PCDH15: variants seen among roughly 807,000 people sequenced by gnomAD.
PCDH15 encodes protocadherin related 15.
PCDH15 carries 129 observed loss-of-function variants against 178.5 expected under a neutral mutation model. That is an observed-to-expected ratio of 0.72 (90% CI 0.63 to 0.84). PCDH15 has a LOEUF of 0.84. Among genes scored for constraint, PCDH15 ranks in the 40% least tolerant of loss-of-function variants. PCDH15 has a pLI of 0.00. For missense variants in PCDH15, 2,230 were observed against 2,099.9 expected (o/e 1.06, Z -1.21); for synonymous variants, 800 against 732.0 (o/e 1.09, Z -1.50).
At chr10:55,383,317 C>A (rs1379121402) in intron 2 of PCDH15, among the ~76,000 whole-genome samples, 1 of 152,096 alleles carries the variant, frequency 6.6e-6, no homozygotes, top group Non-Finnish European at 1.5e-5. Context: ...TTCTCTCCTT[C>A]ACTGCCACAC....
chr10:55,520,153 C>T (rs1841128366), intron 2 of PCDH15, among the ~76,000 whole-genome samples: 1 of 99,990 alleles, frequency 1.0e-5, no homozygotes, highest in Non-Finnish European at 2.0e-5. Context: ...TATATATACA[C>T]GCAATGTGTA....
chr10:54,421,883 TAC>T (rs58594959), intron 3 of PCDH15, among the ~76,000 whole-genome samples: 51,298 of 103,958 alleles, frequency 0.49, 13,091 homozygotes, highest in Middle Eastern at 0.58. Flanking sequence ...TATATATATA[TAC>T]ACACACACAC....
At chr10:55,585,229 T>C (rs929347647) in intron 2 of PCDH15, among the ~76,000 whole-genome samples, 2 of 152,150 alleles carry the variant, frequency 1.3e-5, no homozygotes, top group African/African-American at 2.4e-5. Flanking sequence ...AAAAATTACA[T>C]GGATAACAGA....
At chr10:54,964,294 G>A (rs776878926) in intron 2 of PCDH15, among the ~76,000 whole-genome samples, 3 of 152,140 alleles carry the variant, frequency 2.0e-5, no homozygotes, top group Non-Finnish European at 4.4e-5. Context: ...TCAATACCAG[G>A]ACTAAACATT....
In PCDH15 at chr10:53,821,954, T is replaced by A. The variant is rs2132481049; in HGVS notation, c.4368-1724A>T. 1 of 1,613,760 alleles carries A rather than the reference T, an allele frequency of 6.2e-7. No individual in the cohort carries two copies. The highest frequency in any genetic ancestry group is 8.5e-7 in the Non-Finnish European group (1 of 1,179,772). ...TTTGTTCAGATGTGATTTCCATATT[T>A]GTTACTTCTGAAGGGCACATAGTTT... On this transcript the variant is annotated intron_variant, in intron 32 of 37. Transcript: ENST00000644397.
intron 1 of PCDH15, among the ~76,000 whole-genome samples, chr10:55,286,884 G>T (rs1425266171): frequency 6.6e-6 from 1 of 151,878 alleles, no homozygotes; most frequent in Non-Finnish European, 1.5e-5. Context: ...CAAGTACAGA[G>T]TTAATGGACT....
intron 14 of PCDH15, among the ~76,000 whole-genome samples, chr10:54,148,472 G>C (rs1056071868): frequency 6.6e-6 from 1 of 151,914 alleles, no homozygotes; most frequent in African/African-American, 2.4e-5. Context: ...CTGTAGTTTA[G>C]AGAATAATGA....
chr10:55,612,933 G>C (rs943357323), intron 2 of PCDH15, among the ~76,000 whole-genome samples: 2 of 151,314 alleles, frequency 1.3e-5, no homozygotes, highest in African/African-American at 4.9e-5. Context: ...ATAAGCTATG[G>C]TATGATATTC....
chr10:54,435,213 G>C (rs953047348), intron 3 of PCDH15, among the ~76,000 whole-genome samples: 1 of 152,068 alleles, frequency 6.6e-6, no homozygotes, highest in African/African-American at 2.4e-5. Flanking sequence ...CTATGTCCTA[G>C]ACACACCAGC....
At chr10:55,424,443 T>A (rs1178914722) in intron 2 of PCDH15, among the ~76,000 whole-genome samples, 1 of 152,114 alleles carries the variant, frequency 6.6e-6, no homozygotes, top group Non-Finnish European at 1.5e-5. Flanking sequence ...CTATGAAAGG[T>A]CTCACATATT....
intron 3 of PCDH15, among the ~76,000 whole-genome samples, chr10:54,433,528 G>C (rs1180328309): frequency 1.3e-5 from 2 of 152,108 alleles, no homozygotes; most frequent in African/African-American, 4.8e-5. Context: ...TGAACTCACA[G>C]AGATAGAGAG....
intron 28 of PCDH15, among the ~76,000 whole-genome samples, chr10:53,849,833 C>G (rs376101883): frequency 7.6e-6 from 1 of 132,336 alleles, no homozygotes; most frequent in South Asian, 2.4e-4. Flanking sequence ...TGCACTCCAG[C>G]CTGTGCGACA....
At chr10:55,091,115 C>T (rs968980805) in intron 2 of PCDH15, among the ~76,000 whole-genome samples, 1 of 151,756 alleles carries the variant, frequency 6.6e-6, no homozygotes, top group Non-Finnish European at 1.5e-5. Context: ...TGAAATAAAT[C>T]CTTGCAGATC....
intron 3 of PCDH15, among the ~76,000 whole-genome samples, chr10:54,816,877 C>T (rs1442956406): frequency 1.3e-5 from 2 of 152,026 alleles, no homozygotes; most frequent in African/African-American, 4.8e-5. Flanking sequence ...GCTACATTGA[C>T]CTTACAGGTC....
At chr10:54,277,877 G>C (rs1051411114) in intron 8 of PCDH15, among the ~76,000 whole-genome samples, 1 of 126,948 alleles carries the variant, frequency 7.9e-6, no homozygotes, top group Admixed American at 8.0e-5. Flanking sequence ...AATACATCAA[G>C]GTTTATGGTT....
At chr10:54,873,760 G>A (rs983575096) in intron 3 of PCDH15, among the ~76,000 whole-genome samples, 1 of 144,210 alleles carries the variant, frequency 6.9e-6, no homozygotes, top group South Asian at 2.2e-4. Context: ...ATACATATAC[G>A]TGTGTGTGTG....
At chr10:55,094,929 C>G (rs74940164) in intron 2 of PCDH15, among the ~76,000 whole-genome samples, 1 of 130,384 alleles carries the variant, frequency 7.7e-6, no homozygotes. Context: ...TATCCAAATT[C>G]TTTTTTTTTT....
chr10:54,236,758 T>G (rs2054663652), intron 9 of PCDH15, 65 bp downstream of exon 9: 2 of 1,248,542 alleles, frequency 1.6e-6, no homozygotes, highest in African/African-American at 3.0e-5. Flanking sequence ...TCCTTGGAAT[T>G]GAGAGAATTT....
intron 2 of PCDH15, among the ~76,000 whole-genome samples, chr10:55,464,381 C>A (rs1388284936): frequency 6.6e-6 from 1 of 151,490 alleles, no homozygotes; most frequent in Non-Finnish European, 1.5e-5. Flanking sequence ...ATGTAAATGC[C>A]ACTGTGAGTG....
Sources: allele counts gnomAD v4.1 joint callset (sites outside exome capture counted in the v4.1 genomes callset), GRCh38; gene constraint gnomAD v4.1.1; transcripts MANE v1.5; gene names NCBI Gene and HGNC (gene_info 2026-07-23, HGNC 2026-07-21).